The following GPC5 variants were observed in gnomAD, a reference collection of about 807,000 sequenced individuals.
GPC5 encodes glypican 5, also known as glypican-5.
A neutral mutation model predicts 53.9 loss-of-function variants in GPC5; 47 were observed. The ratio of observed to expected loss-of-function variants is 0.87; its 90% CI spans 0.69 to 1.11. The LOEUF is 1.11. Ranked by LOEUF, GPC5 falls within the 50% of genes most tolerant of loss-of-function variation. The pLI is 0.00. For missense variants in GPC5, 748 were observed against 713.1 expected, an observed-to-expected ratio of 1.05 and a Z score of -0.56; for synonymous variants, 286 against 263.3, an observed-to-expected ratio of 1.09 and a Z score of -0.84.
At chr13:91,756,184 T>C in intron 4 of GPC5, 111 bp from the exon 5 acceptor site, 1 of 713,718 alleles carries the variant, frequency 1.4e-6, no homozygotes, top group Non-Finnish European at 2.0e-6. Flanking sequence ...ACATTATGCA[T>C]AACAATATAA....
rs557040781 is a variant in GPC5, at chr13:92,527,511, C to T, written c.1562-338771C>T. Among the ~76,000 whole-genome samples, 132 of 151,956 alleles carry T rather than the reference C, an allele frequency of 8.7e-4. 1 individual carries two copies. In the Middle Eastern group the frequency reaches 0.031, roughly 35 times the overall value. On this transcript the variant is annotated intron_variant, in intron 7 of 7. Coordinates refer to ENST00000377067, the MANE Select transcript of GPC5 (RefSeq NM_004466.6). Reference sequence around the variant, plus strand: ...TTGCATTTGGAAAAACAAAGGTCACCGGTGAGCTTGAGAAGAGTAAAATCA... The same window carrying T: ...TTGCATTTGGAAAAACAAAGGTCACTGGTGAGCTTGAGAAGAGTAAAATCA...
intron 7 of GPC5, among the ~76,000 whole-genome samples, chr13:92,665,647 T>C (rs113266912): frequency 0.016 from 2,369 of 152,300 alleles, 77 homozygotes; most frequent in African/African-American, 0.054. Context: ...CTTAATTCAA[T>C]ACCATTGCTC....
chr13:91,448,046 T>C (rs895426123), intron 1 of GPC5, among the ~76,000 whole-genome samples: 3 of 152,162 alleles, frequency 2.0e-5, no homozygotes, highest in African/African-American at 7.2e-5. Context: ...CTAGCAAAGG[T>C]TTTTTTGTAA....
Position 91,641,833 on chromosome 13 carries a change from C to T in GPC5, c.326-51354C>T, listed in dbSNP as rs114851951. ...TGGAAGCTATAGGGAACACTGAGTT[C>T]GAATTGGAGTTGGGTGGTCTAGGGG... On this transcript the variant is annotated intron_variant, in intron 2 of 7. Coordinates refer to ENST00000377067, the MANE Select transcript of GPC5 (RefSeq NM_004466.6). Among the ~76,000 whole-genome samples the T allele has an allele frequency of 2.7e-3, 406 of 152,190 alleles. 3 individuals are homozygous for T. Among genetic ancestry groups the T allele is most frequent in the African/African-American group, 9.2e-3 (383 of 41,530 alleles).
At chr13:92,020,756 G>A (rs1417173754) in intron 6 of GPC5, among the ~76,000 whole-genome samples, 1 of 147,480 alleles carries the variant, frequency 6.8e-6, no homozygotes, top group African/African-American at 2.5e-5. Flanking sequence ...TATATGGCTT[G>A]CAAATATTGT....
chr13:91,671,467 T>C (rs903536783), intron 2 of GPC5, among the ~76,000 whole-genome samples: 1 of 151,972 alleles, frequency 6.6e-6, no homozygotes, highest in Non-Finnish European at 1.5e-5. Flanking sequence ...AGTTCAAGAA[T>C]TTTTGGGGCT....
At chr13:92,634,484 G>A (rs1365904555) in intron 7 of GPC5, among the ~76,000 whole-genome samples, 7 of 151,978 alleles carry the variant, frequency 4.6e-5, no homozygotes, top group Non-Finnish European at 2.9e-5. Flanking sequence ...TAGGTGGAGA[G>A]AGTTTTCTTA....
chr13:92,732,926 A>G (rs1158837042), intron 7 of GPC5, among the ~76,000 whole-genome samples: 1 of 151,448 alleles, frequency 6.6e-6, no homozygotes, highest in Non-Finnish European at 1.5e-5. Flanking sequence ...TCCCACTCCA[A>G]TTTTGCTCCC....
chr13:92,405,736 C>CT (rs1491547901), intron 7 of GPC5, among the ~76,000 whole-genome samples: 1 of 152,114 alleles, frequency 6.6e-6, no homozygotes, highest in Non-Finnish European at 1.5e-5. Context: ...AATCTCTAGA[C>CT]TCTCATCTCT....
At chr13:92,816,476 T>C (rs937069767) in intron 7 of GPC5, among the ~76,000 whole-genome samples, 8 of 152,034 alleles carry the variant, frequency 5.3e-5, no homozygotes, top group African/African-American at 1.9e-4. Context: ...GGAAAGTTAC[T>C]CATTTCGGAA....
chr13:91,559,146 G>A (rs1331460964), intron 2 of GPC5, among the ~76,000 whole-genome samples: 1 of 152,048 alleles, frequency 6.6e-6, no homozygotes, highest in Non-Finnish European at 1.5e-5. Context: ...ACAGTGTTGA[G>A]CTCTTTGTGT....
At chr13:92,022,746 A>G (rs2040769427) in intron 6 of GPC5, among the ~76,000 whole-genome samples, 1 of 152,074 alleles carries the variant, frequency 6.6e-6, no homozygotes, top group Non-Finnish European at 1.5e-5. Flanking sequence ...TTTAATCTGT[A>G]AGTGGGAGAT....
chr13:92,518,790 A>ATG (rs1880903142), intron 7 of GPC5, among the ~76,000 whole-genome samples: 1 of 152,202 alleles, frequency 6.6e-6, no homozygotes, highest in Non-Finnish European at 1.5e-5. Context: ...ATTAACCTTA[A>ATG]ATGTAAATGG....
At chr13:92,275,826 A>G (rs2042871408) in intron 7 of GPC5, among the ~76,000 whole-genome samples, 1 of 152,182 alleles carries the variant, frequency 6.6e-6, no homozygotes, top group South Asian at 2.1e-4. Context: ...TGCAAAGGTT[A>G]AAAACATCAA....
chr13:92,213,184 T>C (rs2042387343), intron 7 of GPC5, among the ~76,000 whole-genome samples: 1 of 152,228 alleles, frequency 6.6e-6, no homozygotes, highest in Non-Finnish European at 1.5e-5. Flanking sequence ...AATAGATATG[T>C]CCTTTAGTTA....
At chr13:92,763,658 T>G (rs1875281685) in intron 7 of GPC5, among the ~76,000 whole-genome samples, 1 of 152,124 alleles carries the variant, frequency 6.6e-6, no homozygotes, top group African/African-American at 2.4e-5. Flanking sequence ...CACCTGGGTC[T>G]TGTGGTGCAG....
Position 91,435,567 on chromosome 13 carries a change from A to G in GPC5, c.164-13194A>G, listed in dbSNP as rs550165703. On this transcript the variant is annotated intron_variant, in intron 1 of 7. Coordinates refer to ENST00000377067, the MANE Select transcript of GPC5 (RefSeq NM_004466.6). The stretch of plus-strand genomic sequence containing the variant: ...GATCATGGTGGATAAGCTTTTTGAT[A>G]TGCTGCTGGATTCGATTTGCCAGTA... 3.1e-3 allele frequency among the ~76,000 whole-genome samples: 477 copies of G among 152,246 alleles called. 2 individuals carry two copies. Among genetic ancestry groups the G allele is most frequent in the Non-Finnish European group, 5.2e-3 (355 of 68,000 alleles).
At chr13:92,579,416 A>G (rs576642616) in intron 7 of GPC5, among the ~76,000 whole-genome samples, 7 of 151,246 alleles carry the variant, frequency 4.6e-5, no homozygotes, top group African/African-American at 1.7e-4. Flanking sequence ...GGGGGCAAAT[A>G]CATGCTGCTT....
In GPC5 at chr13:92,547,819, CTTTTTTTTT is replaced by C. The variant is rs567478017; in HGVS notation, c.1562-318447_1562-318439del. Among the ~76,000 whole-genome samples, 20 of 100,440 alleles carry C rather than the reference CTTTTTTTTT, an allele frequency of 2.0e-4. No homozygotes were observed. In the East Asian group the frequency reaches 4.6e-3, roughly 23 times the overall value. 65.9% of individuals were successfully genotyped at this position (100,440 alleles called of 152,430 possible). On this transcript the variant is annotated intron_variant, in intron 7 of 7. Transcript: ENST00000377067. ...AAGAAAACTTATTATGCCTATTATT[CTTTTTTTTT>C]TTTTTTTTTTTTTTTCTTTTTGAGA...
Sources: allele counts gnomAD v4.1 joint callset (sites outside exome capture counted in the v4.1 genomes callset), GRCh38; gene constraint gnomAD v4.1.1; transcripts MANE v1.5; gene names NCBI Gene and HGNC (gene_info 2026-07-23, HGNC 2026-07-21).